Variants in DAB1 observed in about 807,000 individuals in gnomAD.
DAB1 encodes DAB adaptor protein 1.
DAB1 carries 15 observed loss-of-function variants against 64.6 expected under a neutral mutation model. The observed-to-expected ratio is 0.23, with a 90% confidence interval of 0.16 to 0.36. The LOEUF (loss-of-function observed/expected upper bound fraction) is 0.36, where lower values mean the gene tolerates loss of function less well. DAB1 is among the 10% of genes least tolerant of loss of function. DAB1 has a pLI of 1.00. For missense variants in DAB1, 596 were observed against 706.7 expected (o/e 0.84, Z 1.78); for synonymous variants, 235 against 251.9 (o/e 0.93, Z 0.64).
chr1:57,619,156 T>C (rs982536353), intron 7 of DAB1, among the ~76,000 whole-genome samples: 3 of 152,210 alleles, frequency 2.0e-5, no homozygotes. Context: ...AGTGTTAATA[T>C]CCTTTATGAC....
At chr1:58,468,857 G>A (rs1645324614) in intron 3 of DAB1, 1 of 195,040 alleles carries the variant, frequency 5.1e-6, no homozygotes, top group South Asian at 1.7e-4. Context: ...TGTGACAGCT[G>A]GAGCATTTGT....
chr1:58,281,686 A>T (rs947732329), intron 4 of DAB1, among the ~76,000 whole-genome samples: 3 of 152,118 alleles, frequency 2.0e-5, no homozygotes, highest in Non-Finnish European at 2.9e-5. Context: ...ATTTACCTAG[A>T]CCCTAGACCC....
At chr1:57,607,064 GGT>G (rs10616926) in intron 7 of DAB1, among the ~76,000 whole-genome samples, 142,330 of 151,894 alleles carry the variant, frequency 0.94, 66,956 homozygotes, top group East Asian at 1. Flanking sequence ...TGGGATTACA[GGT>G]GTGTGAGCCA....
At chr1:58,411,374 A>G (rs562312496) in intron 3 of DAB1, among the ~76,000 whole-genome samples, 1 of 152,310 alleles carries the variant, frequency 6.6e-6, no homozygotes, top group Admixed American at 6.5e-5. Context: ...TGGAAAATAG[A>G]ACTAATAATA....
intron 1 of DAB1, among the ~76,000 whole-genome samples, chr1:57,328,428 C>T (rs1676366651): frequency 6.6e-6 from 1 of 152,166 alleles, no homozygotes; most frequent in African/African-American, 2.4e-5. Context: ...GAGATGCCCA[C>T]TCTGGAGGTA....
intron 5 of DAB1, among the ~76,000 whole-genome samples, chr1:58,125,828 T>C (rs891746432): frequency 2.0e-5 from 3 of 152,096 alleles, no homozygotes; most frequent in East Asian, 1.9e-4. Context: ...ATTTTATGGA[T>C]AGGAATACCA....
intron 1 of DAB1, among the ~76,000 whole-genome samples, chr1:57,399,999 C>T (rs3850552): frequency 0.35 from 53,406 of 152,018 alleles, 9,830 homozygotes; most frequent in Non-Finnish European, 0.41. Flanking sequence ...CACTGAATGG[C>T]CACCTATGCC....
At chr1:57,987,676 CCCA>C (rs1646253551) in intron 5 of DAB1, among the ~76,000 whole-genome samples, 1 of 152,144 alleles carries the variant, frequency 6.6e-6, no homozygotes, top group Admixed American at 6.5e-5. Flanking sequence ...TGACTTCTTT[CCCA>C]CCAAGTCTTC....
rs1327688136 is a variant in DAB1 at position 58,098,497 on chromosome 1, A to G, written n.387+52014T>C. ...TCAACTTACTCTCTCCCACCCTCCAACCCTCTGCTGATGCTCCCTGTTGGC... is the reference window on the plus strand; with the variant it reads ...TCAACTTACTCTCTCCCACCCTCCAGCCCTCTGCTGATGCTCCCTGTTGGC... On this transcript the variant is annotated intron_variant and non_coding_transcript_variant, in intron 5 of 20. Coordinates refer to the DAB1 transcript ENST00000485760. Among the ~76,000 whole-genome samples the G allele has an allele frequency of 2.0e-5, 3 of 151,944 alleles. No individual in the cohort carries two copies. In the East Asian group the frequency reaches 5.8e-4, roughly 29 times the overall value.
intron 4 of DAB1, among the ~76,000 whole-genome samples, chr1:58,163,219 G>A (rs542728009): frequency 4.6e-5 from 7 of 152,342 alleles, no homozygotes; most frequent in African/African-American, 1.7e-4. Context: ...TCATCACGAA[G>A]TTAAGAACAA....
At chr1:58,236,149 G>A (rs928642908) in intron 4 of DAB1, among the ~76,000 whole-genome samples, 2 of 47,310 alleles carry the variant, frequency 4.2e-5, no homozygotes, top group African/African-American at 1.7e-4. Context: ...CACCTACCTC[G>A]TACTGCTCTG....
chr1:57,717,778 T>C (rs1647101490), intron 6 of DAB1, among the ~76,000 whole-genome samples: 1 of 152,244 alleles, frequency 6.6e-6, no homozygotes, highest in East Asian at 1.9e-4. Flanking sequence ...TGAAATATTA[T>C]TCAGCCATAA....
At chr1:57,547,843 A>G (rs1010848956) in intron 7 of DAB1, among the ~76,000 whole-genome samples, 1 of 152,192 alleles carries the variant, frequency 6.6e-6, no homozygotes, top group Admixed American at 6.5e-5. Flanking sequence ...AATTCTCTGT[A>G]CTATCTTTAT....
intron 7 of DAB1, among the ~76,000 whole-genome samples, chr1:57,448,069 T>C (rs964005296): frequency 6.6e-6 from 1 of 152,196 alleles, no homozygotes; most frequent in Non-Finnish European, 1.5e-5. Context: ...GTATTTACGA[T>C]TGCTTCTGGG....
At chr1:57,557,758 T>C (rs563844504) in intron 7 of DAB1, among the ~76,000 whole-genome samples, 21 of 152,278 alleles carry the variant, frequency 1.4e-4, no homozygotes, top group South Asian at 8.3e-4. Flanking sequence ...GCAAGGAGTT[T>C]AGTGACTCTA....
intron 1 of DAB1, among the ~76,000 whole-genome samples, chr1:57,345,369 A>G (rs1275180572): frequency 6.6e-6 from 1 of 152,230 alleles, no homozygotes; most frequent in African/African-American, 2.4e-5. Context: ...GGAAATGAAA[A>G]TAATGATAAC....
rs529621537 is a variant in DAB1, at chr1:57,831,275, G to C, written n.88-4820C>G. Among the ~76,000 whole-genome samples, 8 of 152,266 alleles carry C rather than the reference G, an allele frequency of 5.3e-5. No homozygotes were observed. The East Asian group carries it at 1.4e-3, about 26-fold the overall frequency. Reference sequence around the variant, plus strand: ...TCTGTGTGACCCTTCCTGGGAGGGAGAGAGATTAGGAAACCTAAATATGAA... The same window carrying C: ...TCTGTGTGACCCTTCCTGGGAGGGACAGAGATTAGGAAACCTAAATATGAA... On this transcript the variant is annotated intron_variant and non_coding_transcript_variant, in intron 1 of 1. Coordinates refer to the DAB1 transcript ENST00000477280.
chr1:57,704,234 A>T (rs1646939632), intron 6 of DAB1, among the ~76,000 whole-genome samples: 1 of 152,192 alleles, frequency 6.6e-6, no homozygotes. Context: ...AAAAAATTGG[A>T]TGATTTTGTC....
chr1:57,349,436 T>C (rs1678394583), intron 1 of DAB1, among the ~76,000 whole-genome samples: 1 of 152,056 alleles, frequency 6.6e-6, no homozygotes, highest in South Asian at 2.1e-4. Flanking sequence ...AGACAATAAG[T>C]TTCCTCCACT....
Sources: gnomAD v4.1 joint callset for allele counts (sites outside exome capture counted in the v4.1 genomes callset) on GRCh38, gnomAD v4.1.1 for gene constraint, MANE v1.5 for transcripts, NCBI Gene and HGNC (gene_info 2026-07-23, HGNC 2026-07-21) for gene names.